The following EMP2 variants were observed in gnomAD, a reference collection of about 807,000 sequenced individuals.
EMP2 encodes epithelial membrane protein 2.
Under a neutral mutation model 13.7 loss-of-function variants are expected in EMP2, and 19 were observed. The ratio of observed to expected loss-of-function variants is 1.38; its 90% CI spans 0.97 to 2.03. EMP2 has a LOEUF of 2.03. Ranked by LOEUF, EMP2 falls within the 30% of genes most tolerant of loss-of-function variation. The pLI, the probability that EMP2 is intolerant of heterozygous loss-of-function variation, is 0.00. For missense variants in EMP2, 253 were observed against 220.7 expected, an observed-to-expected ratio of 1.15 and a Z score of -0.93; for synonymous variants, 97 against 84.7, an observed-to-expected ratio of 1.15 and a Z score of -0.80.
At chr16:10,543,196 T>C (rs1040306008) in intron 3 of EMP2, among the ~76,000 whole-genome samples, 4 of 152,176 alleles carry the variant, frequency 2.6e-5, no homozygotes, top group African/African-American at 7.2e-5. Flanking sequence ...GGAGAGTAAA[T>C]TATGGTCTCT....
At chr16:10,569,573 A>G (rs2050932695) in intron 1 of EMP2, among the ~76,000 whole-genome samples, 1 of 151,384 alleles carries the variant, frequency 6.6e-6, no homozygotes, top group African/African-American at 2.4e-5. Context: ...TCTCACCTCA[A>G]CCTCCCAAAG....
At chr16:10,578,887 C>T (rs1344108776) in intron 1 of EMP2, among the ~76,000 whole-genome samples, 1 of 152,244 alleles carries the variant, frequency 6.6e-6, no homozygotes, top group Non-Finnish European at 1.5e-5. Context: ...CCAAGGCCCC[C>T]GTGGGCATCC....
chr16:10,548,758 T>A (rs111334671), intron 1 of EMP2, among the ~76,000 whole-genome samples: 3,678 of 152,208 alleles, frequency 0.024, 165 homozygotes, highest in African/African-American at 0.084. Flanking sequence ...ACACCATTCT[T>A]CTTAATATAT....
At chr16:10,576,945 C>G (rs1013626263) in intron 1 of EMP2, among the ~76,000 whole-genome samples, 11 of 152,212 alleles carry the variant, frequency 7.2e-5, no homozygotes, top group Non-Finnish European at 1.5e-4. Context: ...GGGAAGTGAC[C>G]TACTGCCTGA....
At chr16:10,539,886 C>G (rs1037067869) in intron 3 of EMP2, among the ~76,000 whole-genome samples, 12 of 144,212 alleles carry the variant, frequency 8.3e-5, no homozygotes, top group Admixed American at 1.4e-4. Context: ...CAAATCTGCC[C>G]AATCCCAGGG....
chr16:10,533,043 G>A lies in EMP2; in HGVS notation c.366C>T (p.Asp122=). 1 of 1,611,004 alleles carries A rather than the reference G, an allele frequency of 6.2e-7. No individual in the cohort carries two copies. Among genetic ancestry groups the A allele is most frequent in the East Asian group, 2.2e-5 (1 of 44,752 alleles). ...AGAATTTCGCGTTTTTGTCGTGAAT[G>A]TCTTCACGCCTGTCTGTATAAATGG... The part of the protein sequence containing the change: ...AASIYTDRRE[D]IHDKNAKFYP... The change falls in exon 5 of 5, where the codon GAC becomes GAT. Residue 122 remains aspartate (D), a synonymous_variant. Transcript: ENST00000359543.
intron 4 of EMP2, among the ~76,000 whole-genome samples, chr16:10,534,891 T>C (rs2050635385): frequency 6.6e-6 from 1 of 152,262 alleles, no homozygotes; most frequent in African/African-American, 2.4e-5. Flanking sequence ...TTGGTGGGAC[T>C]ATCCTTCAAG....
intron 1 of EMP2, among the ~76,000 whole-genome samples, chr16:10,554,133 G>T (rs2050809969): frequency 6.6e-6 from 1 of 151,284 alleles, no homozygotes; most frequent in African/African-American, 2.4e-5. Flanking sequence ...CCGAGTTCAA[G>T]CGATTCTCCT....
intron 3 of EMP2, among the ~76,000 whole-genome samples, chr16:10,541,817 C>T (rs535780236): frequency 6.6e-6 from 1 of 152,206 alleles, no homozygotes; most frequent in South Asian, 2.1e-4. Context: ...CTTAACTGCT[C>T]TCTGCCTCAG....
At chr16:10,561,159 T>C (rs1035633685) in intron 1 of EMP2, among the ~76,000 whole-genome samples, 2 of 151,590 alleles carry the variant, frequency 1.3e-5, no homozygotes, top group Non-Finnish European at 2.9e-5. Context: ...CAACAGGACT[T>C]GATGATGGGC....
chr16:10,541,569 CCA>C (rs1383157874), intron 3 of EMP2, among the ~76,000 whole-genome samples: 1 of 152,166 alleles, frequency 6.6e-6, no homozygotes, highest in African/African-American at 2.4e-5. Context: ...AGAAAAACAG[CCA>C]CAGAGCACAG....
intron 1 of EMP2, among the ~76,000 whole-genome samples, chr16:10,551,124 T>C (rs2050785358): frequency 6.6e-6 from 1 of 152,190 alleles, no homozygotes; most frequent in African/African-American, 2.4e-5. Flanking sequence ...GTAAATTGTG[T>C]ACTCACTAAG....
chr16:10,534,997 G>T (rs982240342), intron 4 of EMP2, among the ~76,000 whole-genome samples: 92 of 152,332 alleles, frequency 6.0e-4, no homozygotes, highest in African/African-American at 1.9e-3. Context: ...CAGTGACCCT[G>T]TCAGGGTTCC....
chr16:10,552,114 A>G (rs1309690674), intron 1 of EMP2, among the ~76,000 whole-genome samples: 1 of 130,166 alleles, frequency 7.7e-6, no homozygotes, highest in Non-Finnish European at 1.5e-5. Flanking sequence ...AAAATGATGC[A>G]TTCCCTTTTT....
chr16:10,540,507 A>AAAATAAATAAAT (rs112860854), intron 3 of EMP2, among the ~76,000 whole-genome samples: 11,949 of 147,216 alleles, frequency 0.081, 557 homozygotes, highest in Middle Eastern at 0.14. Context: ...CTCTGTCTCA[A>AAAATAAATAAAT]AAATAAATAA....
chr16:10,565,533 A>G (rs1596380518), intron 1 of EMP2, among the ~76,000 whole-genome samples: 1 of 152,306 alleles, frequency 6.6e-6, no homozygotes, highest in South Asian at 2.1e-4. Context: ...CCATAATCCC[A>G]TGAGCAAATT....
At position 10,558,300 on chromosome 16, in the gene EMP2, C is replaced by T. The variant is rs148084861; in HGVS notation, c.-60-10623G>A. Among the ~76,000 whole-genome samples, 1,240 of 152,202 alleles carry T rather than the reference C, an allele frequency of 8.1e-3. 6 individuals carry two copies. The highest frequency in any genetic ancestry group is 0.013 in the Non-Finnish European group (892 of 68,006). ...CCTTGGCCTCCCAAAGTGCTGGGAT[C>T]ACAGGCATGAGCCAGGGTGCCCAGC... On this transcript the variant is annotated intron_variant, in intron 1 of 4. Transcript: ENST00000359543.
chr16:10,550,001 T>C (rs2050773575), intron 1 of EMP2, among the ~76,000 whole-genome samples: 1 of 148,724 alleles, frequency 6.7e-6, no homozygotes, highest in African/African-American at 2.5e-5. Context: ...TTCTCCTGCC[T>C]CAGCCTCCTG....
chr16:10,538,107 G>C, intron 3 of EMP2, 33 bp from the exon 4 acceptor site: 1 of 1,608,012 alleles, frequency 6.2e-7, no homozygotes, highest in Non-Finnish European at 8.5e-7. Flanking sequence ...CAGGACTGAG[G>C]ACCTTGGCCA....
Sources: gnomAD v4.1 joint callset for allele counts (sites outside exome capture counted in the v4.1 genomes callset) on GRCh38, gnomAD v4.1.1 for gene constraint, MANE v1.5 for transcripts, NCBI Gene and HGNC (gene_info 2026-07-23, HGNC 2026-07-21) for gene names.